The following COL4A6 variants were observed in gnomAD, a reference collection of about 807,000 sequenced individuals.
COL4A6 encodes the protein collagen type IV alpha 6 chain.
COL4A6 carries 59 observed loss-of-function variants against 126.7 expected under a neutral mutation model. The observed-to-expected ratio is 0.47, with a 90% CI of 0.38 to 0.58. The LOEUF (loss-of-function observed/expected upper bound fraction) is 0.58, where lower values mean the gene tolerates loss of function less well. Ranked by LOEUF, COL4A6 falls within the 20% of genes least tolerant of loss-of-function variation. The pLI, the probability that COL4A6 is intolerant of heterozygous loss-of-function variation, is 0.00. For missense variants in COL4A6, 1,285 were observed against 1,337.3 expected (o/e 0.96, Z 0.61); for synonymous variants, 547 against 496.6 (o/e 1.10, Z -1.35).
intron 28 of COL4A6, 116 bp downstream of exon 28, chrX:108,176,725 C>A: frequency 1.2e-6 from 1 of 825,772 alleles, no homozygotes; most frequent in Non-Finnish European, 1.7e-6. Context: ...ACACAAAAAG[C>A]CCTGTCCAAG....
At chrX:108,189,791 C>A (rs985072079) in intron 20 of COL4A6, among the ~76,000 whole-genome samples, 1 of 112,195 alleles carries the variant, frequency 8.9e-6, no homozygotes. Flanking sequence ...GAAAGCAGTT[C>A]ATTCCTAGAG....
intron 3 of COL4A6, among the ~76,000 whole-genome samples, chrX:108,283,193 G>A (rs899688646): frequency 9.0e-6 from 1 of 110,970 alleles, no homozygotes; most frequent in Non-Finnish European, 1.9e-5. Context: ...AGGTATAGAG[G>A]CAAGAAGGGC....
chrX:108,361,679 A>C (rs978422933), intron 2 of COL4A6, among the ~76,000 whole-genome samples: 14 of 111,815 alleles, frequency 1.3e-4, no homozygotes, highest in African/African-American at 4.6e-4. Context: ...ATCTTTTCAC[A>C]AGAGAGAGCC....
At chrX:108,314,084 A>G (rs1010764218) in intron 2 of COL4A6, among the ~76,000 whole-genome samples, 1 of 112,003 alleles carries the variant, frequency 8.9e-6, no homozygotes, top group African/African-American at 3.3e-5. Flanking sequence ...AACAGTTTTC[A>G]TCTCCATGAA....
chrX:108,234,847 A>G (rs1469603456), intron 3 of COL4A6, among the ~76,000 whole-genome samples: 3 of 111,625 alleles, frequency 2.7e-5, no homozygotes, highest in African/African-American at 9.8e-5. Context: ...GAGAATGTCT[A>G]TTTCAAATTG....
At chrX:108,269,860 C>T (rs2037403157) in intron 3 of COL4A6, among the ~76,000 whole-genome samples, 1 of 111,252 alleles carries the variant, frequency 9.0e-6, no homozygotes, top group Non-Finnish European at 1.9e-5. Context: ...CCAACCCCTA[C>T]CTCAAACAGG....
At chrX:108,227,556 T>C (rs751984790) in intron 3 of COL4A6, among the ~76,000 whole-genome samples, 1 of 94,803 alleles carries the variant, frequency 1.1e-5, no homozygotes, top group Non-Finnish European at 2.1e-5. Context: ...TGGGGCAGGG[T>C]GGGGGGGCTT....
intron 3 of COL4A6, among the ~76,000 whole-genome samples, chrX:108,261,460 G>A (rs992880474): frequency 2.7e-5 from 3 of 111,457 alleles, no homozygotes; most frequent in East Asian, 2.8e-4. Flanking sequence ...TTATAGATGA[G>A]GAAAATGGGG....
intron 6 of COL4A6, among the ~76,000 whole-genome samples, chrX:108,213,038 C>A (rs142473388): frequency 0.034 from 3,809 of 111,107 alleles, 165 homozygotes; most frequent in African/African-American, 0.12. Context: ...CTTTCCTTAC[C>A]TCCCCACCCC....
chrX:108,422,092 C>T (rs973180102), intron 2 of COL4A6, among the ~76,000 whole-genome samples: 2 of 111,945 alleles, frequency 1.8e-5, no homozygotes, highest in African/African-American at 3.2e-5. Flanking sequence ...AAAAACAAAA[C>T]GGGCCTGGTG....
rs2034671841 is a variant in COL4A6, at chrX:108,181,056, A to C, written c.1952-88T>G. 3.7e-6 allele frequency: 3 copies of C among 804,144 alleles called. No individual in the cohort carries two copies. In the South Asian group the frequency reaches 7.5e-5, roughly 20 times the overall value. 66.3% of individuals were successfully genotyped at this position (804,144 alleles called of 1,213,427 possible). ...CGCTCCTTTACTTCTATTCCATTTA[A>C]TAGGACAGCCAAGCTCTTCCCACTC... On this transcript the variant is annotated intron_variant, in intron 23 of 44. Transcript: ENST00000334504.
At chrX:108,389,693 C>G (rs1422877096) in intron 2 of COL4A6, among the ~76,000 whole-genome samples, 1 of 111,381 alleles carries the variant, frequency 9.0e-6, no homozygotes, top group Non-Finnish European at 1.9e-5. Context: ...ATTTGTCAGT[C>G]TGTGTCTTTT....
intron 2 of COL4A6, among the ~76,000 whole-genome samples, chrX:108,368,371 G>A (rs1006332143): frequency 4.5e-5 from 5 of 110,997 alleles, no homozygotes; most frequent in Non-Finnish European, 9.5e-5. Flanking sequence ...TCCCTGTCTA[G>A]GGCACTTACC....
intron 29 of COL4A6, 23 bp from the exon 30 acceptor site, chrX:108,175,238 G>A: frequency 1.7e-6 from 2 of 1,151,397 alleles, no homozygotes; most frequent in South Asian, 2.2e-5. Flanking sequence ...AGATCAGCAT[G>A]AGAAAGAGAG....
intron 2 of COL4A6, among the ~76,000 whole-genome samples, chrX:108,334,047 T>C (rs184908506): frequency 9.0e-6 from 1 of 111,538 alleles, no homozygotes; most frequent in African/African-American, 3.2e-5. Context: ...AAAAAAACAA[T>C]TCTAAAATTC....
intron 3 of COL4A6, among the ~76,000 whole-genome samples, chrX:108,307,447 A>G (rs1461040036): frequency 8.9e-6 from 1 of 112,389 alleles, no homozygotes; most frequent in Non-Finnish European, 1.9e-5. Flanking sequence ...CAGGCAGGGC[A>G]TACCTTTGAG....
At chrX:108,231,695 G>A (rs1217147277) in intron 3 of COL4A6, among the ~76,000 whole-genome samples, 2 of 111,722 alleles carry the variant, frequency 1.8e-5, no homozygotes, top group East Asian at 2.8e-4. Flanking sequence ...TGCTCTGAAC[G>A]CAGAGACACA....
At chrX:108,352,190 A>G (rs1324280493) in intron 2 of COL4A6, among the ~76,000 whole-genome samples, 1 of 112,008 alleles carries the variant, frequency 8.9e-6, no homozygotes, top group Non-Finnish European at 1.9e-5. Context: ...CTTCCATTTT[A>G]TTTCCTCTAT....
intron 3 of COL4A6, among the ~76,000 whole-genome samples, chrX:108,225,055 G>A (rs2036127426): frequency 1.0e-5 from 1 of 97,597 alleles, no homozygotes; most frequent in Non-Finnish European, 2.1e-5. Flanking sequence ...GGGGGCGGGG[G>A]GAAGGGGGAA....
Sources: gnomAD v4.1 joint callset for allele counts (sites outside exome capture counted in the v4.1 genomes callset) on GRCh38, gnomAD v4.1.1 for gene constraint, MANE v1.5 for transcripts, NCBI Gene and HGNC (gene_info 2026-07-23, HGNC 2026-07-21) for gene names.